The following ORC5 variants were observed in gnomAD, a reference collection of about 807,000 sequenced individuals.
ORC5 encodes origin recognition complex subunit 5, also known as protein phosphatase 1, regulatory subunit 117.
In ORC5, 39 loss-of-function variants were observed where a neutral mutation model predicts 58.8. The observed-to-expected ratio is 0.66, with a 90% CI of 0.51 to 0.87. The LOEUF is 0.87. ORC5 is among the 40% of genes least tolerant of loss of function. ORC5 has a pLI of 0.00. For missense variants in ORC5, 493 were observed against 506.3 expected, an observed-to-expected ratio of 0.97 and a Z score of 0.25; for synonymous variants, 218 against 177.6, an observed-to-expected ratio of 1.23 and a Z score of -1.81.
rs1356730448 is a variant in ORC5 at position 104,203,156 on chromosome 7, G to A, written c.165+986C>T. Among the ~76,000 whole-genome samples, 4 of 152,156 alleles carry A rather than the reference G, an allele frequency of 2.6e-5. No individual in the cohort carries two copies. In the East Asian group the frequency reaches 5.8e-4, roughly 22 times the overall value. The stretch of plus-strand genomic sequence containing the variant: ...AAGTAGGGGAGCAACATGTGCCATG[G>A]CTTGAAAGTAAGACAGCAGGAACTG... On this transcript the variant is annotated intron_variant, in intron 2 of 13. Coordinates refer to ENST00000297431, the MANE Select transcript of ORC5 (RefSeq NM_002553.4).
intron 8 of ORC5, among the ~76,000 whole-genome samples, chr7:104,173,930 C>T (rs1221095343): frequency 6.7e-6 from 1 of 148,384 alleles, no homozygotes; most frequent in Non-Finnish European, 1.5e-5. Context: ...CTGCAAGCTC[C>T]GCCTCCCGGG....
At chr7:104,183,842 T>C (rs1799485459) in intron 8 of ORC5, 101 bp downstream of exon 8, 9 of 770,218 alleles carry the variant, frequency 1.2e-5, no homozygotes, top group Admixed American at 2.6e-5. Context: ...CAAACAGATA[T>C]CTTTTTCTTT....
chr7:104,166,815 G>A lies in ORC5; in HGVS notation c.947C>T (p.Ala316Val), dbSNP rs1018750874. The change falls in exon 10 of 14, where the codon GCT becomes GTT. Residue 316 changes from alanine (A) to valine (V), a missense_variant. Ala to Val is a moderately conservative substitution (Grantham distance 64). This residue lies in a region of ORC5 where 412 missense variants were observed against 403.7 expected (regional missense o/e 1.02). Coordinates refer to ENST00000297431, the MANE Select transcript of ORC5 (RefSeq NM_002553.4). ...GTCAGTTCTTGCTGGATTGTATGAA[G>A]CAAGGTATGCAGCAATTAGAATGAA... Reference protein sequence around the residue: ...SKFILIAAYLASYNPARTDKR... With the variant: ...SKFILIAAYLVSYNPARTDKR... 4 of 1,611,854 alleles carry A rather than the reference G, an allele frequency of 2.5e-6. No homozygotes were observed. Among genetic ancestry groups the A allele is most frequent in the African/African-American group, 2.7e-5 (2 of 74,886 alleles).
chr7:104,178,018 C>T (rs1799358171), intron 8 of ORC5, among the ~76,000 whole-genome samples: 1 of 152,144 alleles, frequency 6.6e-6, no homozygotes, highest in Admixed American at 6.5e-5. Context: ...GTGAATAGTG[C>T]TGCAATAAAC....
intron 12 of ORC5, among the ~76,000 whole-genome samples, chr7:104,137,588 G>A (rs778581574): frequency 1.3e-5 from 2 of 152,232 alleles, no homozygotes; most frequent in Non-Finnish European, 2.9e-5. Context: ...CTAGCAGGTA[G>A]AGATACAAGT....
At position 104,168,500 on chromosome 7, in the gene ORC5, C is replaced by G. The variant is rs890195890; in HGVS notation, c.850G>C (p.Asp284His). 1 of 1,579,152 alleles carries G rather than the reference C, an allele frequency of 6.3e-7. No individual in the cohort carries two copies. ...TTCAGTTGCCCCGGATCTGTGTCAT[C>G]TTTCTGTAGCTTTTCCCACTGGGAA... ...SSSQWEKLQK[D>H]DTDPGQLKGL... Residue 284 changes from aspartate (D) to histidine (H), a missense_variant, in exon 9 of 14, where the codon GAT (aspartate) becomes CAT (histidine). This residue lies in a region of ORC5 where 412 missense variants were observed against 403.7 expected (regional missense o/e 1.02). Transcript: ENST00000297431.
At chr7:104,182,992 G>A (rs184296714) in intron 8 of ORC5, among the ~76,000 whole-genome samples, 55 of 152,098 alleles carry the variant, frequency 3.6e-4, no homozygotes, top group African/African-American at 1.2e-3. Flanking sequence ...AAAATTAGTC[G>A]GGCATGGTGG....
At chr7:104,165,429 A>G in intron 10 of ORC5, 147 bp from the exon 11 acceptor site, 2 of 522,906 alleles carry the variant, frequency 3.8e-6, no homozygotes, top group East Asian at 3.5e-5. Flanking sequence ...CCTTGTATAT[A>G]TATTAGACTT....
At chr7:104,167,150 C>T (rs1584497496) in intron 9 of ORC5, among the ~76,000 whole-genome samples, 3 of 152,140 alleles carry the variant, frequency 2.0e-5, no homozygotes. Context: ...AGGCCACGCT[C>T]TCCATTAAAC....
intron 10 of ORC5, 122 bp from the exon 11 acceptor site, chr7:104,165,404 T>C: frequency 1.6e-6 from 1 of 611,812 alleles, no homozygotes; most frequent in Non-Finnish European, 2.9e-6. Context: ...TTTTAAATAG[T>C]TATTCTTCTT....
intron 8 of ORC5, among the ~76,000 whole-genome samples, chr7:104,174,688 G>A (rs1799287064): frequency 1.3e-5 from 2 of 152,202 alleles, no homozygotes. Flanking sequence ...AGAAACGCCT[G>A]AAACTGGTGA....
At chr7:104,137,498 T>C (rs1798609204) in intron 12 of ORC5, among the ~76,000 whole-genome samples, 1 of 151,820 alleles carries the variant, frequency 6.6e-6, no homozygotes, top group African/African-American at 2.4e-5. Flanking sequence ...GCATTTCAGT[T>C]TTTGTGCCTA....
intron 8 of ORC5, among the ~76,000 whole-genome samples, chr7:104,169,041 C>G (rs1799160251): frequency 6.6e-6 from 1 of 152,158 alleles, no homozygotes; most frequent in Non-Finnish European, 1.5e-5. Context: ...GAGATTGTGC[C>G]ACTGCACTCC....
chr7:104,196,306 T>G (rs1253978768), intron 4 of ORC5, among the ~76,000 whole-genome samples: 2 of 152,108 alleles, frequency 1.3e-5, no homozygotes, highest in African/African-American at 4.8e-5. Flanking sequence ...AAATAGTGGA[T>G]GAGTATGCGA....
intron 9 of ORC5, chr7:104,168,196 A>T: frequency 1.2e-6 from 1 of 816,342 alleles, no homozygotes; most frequent in Non-Finnish European, 1.6e-6. Flanking sequence ...AGATTGCTTT[A>T]ATAAAAGCAT....
intron 2 of ORC5, 108 bp downstream of exon 2, chr7:104,204,033 TA>T (rs2116110969): frequency 1.8e-6 from 1 of 541,202 alleles, no homozygotes; most frequent in East Asian, 3.2e-5. Context: ...GGAAGGAGAG[TA>T]ATGTAAAGGT....
intron 13 of ORC5, among the ~76,000 whole-genome samples, chr7:104,132,121 C>G (rs1436319325): frequency 6.6e-6 from 1 of 152,116 alleles, no homozygotes; most frequent in Non-Finnish European, 1.5e-5. Flanking sequence ...TCTACTTCAT[C>G]ATACCACTGA....
At chr7:104,203,112 A>G (rs1225310107) in intron 2 of ORC5, among the ~76,000 whole-genome samples, 1 of 152,196 alleles carries the variant, frequency 6.6e-6, no homozygotes, top group Middle Eastern at 3.2e-3. Context: ...AGGAAGAGCG[A>G]GTACAGGAAA....
chr7:104,152,307 G>A (rs568239621), intron 12 of ORC5, among the ~76,000 whole-genome samples: 26 of 151,974 alleles, frequency 1.7e-4, no homozygotes, highest in African/African-American at 5.1e-4. Flanking sequence ...ACCACCACAC[G>A]CAGCTAATTT....
Sources: allele counts gnomAD v4.1 joint callset (sites outside exome capture counted in the v4.1 genomes callset), GRCh38; gene constraint gnomAD v4.1.1; regional missense constraint gnomAD v4.1.1; transcripts MANE v1.5; gene names NCBI Gene and HGNC (gene_info 2026-07-23, HGNC 2026-07-21).